KCNH5: variants seen among roughly 807,000 people sequenced by gnomAD.
KCNH5 encodes the protein voltage-gated delayed rectifier potassium channel KCNH5.
A neutral mutation model predicts 96.1 loss-of-function variants in KCNH5; 46 were observed. The observed-to-expected ratio is 0.48, with a 90% CI of 0.38 to 0.61. The LOEUF (loss-of-function observed/expected upper bound fraction) is 0.61, where lower values mean the gene tolerates loss of function less well. KCNH5 is among the 20% of genes least tolerant of loss of function. The pLI, the probability that KCNH5 is intolerant of heterozygous loss-of-function variation, is 0.00. For missense variants in KCNH5, 907 were observed against 1,225.8 expected, an observed-to-expected ratio of 0.74 and a Z score of 3.88; for synonymous variants, 439 against 449.8, an observed-to-expected ratio of 0.98 and a Z score of 0.30.
At chr14:62,978,927 C>T (rs1349459595) in intron 6 of KCNH5, among the ~76,000 whole-genome samples, 2 of 152,140 alleles carry the variant, frequency 1.3e-5, no homozygotes, top group African/African-American at 4.8e-5. Flanking sequence ...GAACACTTTA[C>T]ACCCACTTTC....
intron 4 of KCNH5, among the ~76,000 whole-genome samples, chr14:62,989,324 T>A (rs1223186626): frequency 2.0e-5 from 3 of 152,120 alleles, no homozygotes; most frequent in Non-Finnish European, 4.4e-5. Flanking sequence ...TGCCTCTGTC[T>A]CTTGCCACTT....
intron 6 of KCNH5, among the ~76,000 whole-genome samples, chr14:62,968,299 G>A (rs1462087653): frequency 1.3e-5 from 2 of 152,148 alleles, no homozygotes; most frequent in Non-Finnish European, 2.9e-5. Flanking sequence ...CCTGCAAATA[G>A]TTTGTGAGAA....
chr14:62,924,896 C>T (rs36113694), intron 7 of KCNH5, among the ~76,000 whole-genome samples: 3 of 151,542 alleles, frequency 2.0e-5, no homozygotes, highest in Non-Finnish European at 3.0e-5. Context: ...TATAGCATGG[C>T]GACTATAGTC....
chr14:63,027,691 T>A (rs1891551096), intron 1 of KCNH5, among the ~76,000 whole-genome samples: 1 of 152,028 alleles, frequency 6.6e-6, no homozygotes, highest in Non-Finnish European at 1.5e-5. Flanking sequence ...TTTTAAAAAA[T>A]TTTTAAGAAA....
At chr14:62,936,379 A>G (rs1170061806) in intron 7 of KCNH5, among the ~76,000 whole-genome samples, 5 of 152,196 alleles carry the variant, frequency 3.3e-5, no homozygotes, top group Admixed American at 3.3e-4. Context: ...ACAATGCAGA[A>G]GAAAGAAAAA....
intron 1 of KCNH5, among the ~76,000 whole-genome samples, chr14:63,021,391 G>A (rs935285798): frequency 1.3e-5 from 2 of 152,052 alleles, no homozygotes; most frequent in African/African-American, 4.8e-5. Context: ...TACTATTACA[G>A]TTAGGTCAGT....
chr14:62,955,528 G>A (rs1295525895), intron 6 of KCNH5, among the ~76,000 whole-genome samples: 1 of 152,196 alleles, frequency 6.6e-6, no homozygotes, highest in Admixed American at 6.5e-5. Flanking sequence ...TACATAGTAA[G>A]AGGAGGAAGC....
At chr14:62,775,775 A>G (rs1346659437) in intron 10 of KCNH5, among the ~76,000 whole-genome samples, 1 of 152,182 alleles carries the variant, frequency 6.6e-6, no homozygotes, top group Non-Finnish European at 1.5e-5. Flanking sequence ...TTCAACAATT[A>G]ACACACTTAA....
intron 7 of KCNH5, among the ~76,000 whole-genome samples, chr14:62,864,724 C>T (rs765021198): frequency 5.9e-5 from 9 of 152,204 alleles, no homozygotes; most frequent in African/African-American, 9.6e-5. Context: ...TCCCAATTCA[C>T]ATTAGCATGT....
chr14:62,931,215 G>C (rs1889574891), intron 7 of KCNH5, among the ~76,000 whole-genome samples: 1 of 152,156 alleles, frequency 6.6e-6, no homozygotes, highest in Non-Finnish European at 1.5e-5. Context: ...AGATATTATA[G>C]CAATGAACCT....
chr14:62,843,050 T>C (rs1308893477), intron 8 of KCNH5, among the ~76,000 whole-genome samples: 1 of 152,174 alleles, frequency 6.6e-6, no homozygotes, highest in Non-Finnish European at 1.5e-5. Context: ...CTGAAACAGA[T>C]CATTCCATTT....
intron 7 of KCNH5, among the ~76,000 whole-genome samples, chr14:62,863,934 C>T (rs1888084977): frequency 1.3e-5 from 2 of 152,234 alleles, no homozygotes; most frequent in Non-Finnish European, 1.5e-5. Flanking sequence ...CTTGAGTATA[C>T]AATTACCTCT....
chr14:62,964,608 TC>T (rs1890271315), intron 6 of KCNH5, among the ~76,000 whole-genome samples: 1 of 152,100 alleles, frequency 6.6e-6, no homozygotes, highest in Admixed American at 6.6e-5. Context: ...ACTTCCCTTT[TC>T]TTAGAACATT....
intron 1 of KCNH5, 113 bp from the exon 2 acceptor site, chr14:63,017,067 T>C: frequency 9.9e-7 from 1 of 1,012,726 alleles, no homozygotes. Flanking sequence ...CTATGGTTTG[T>C]AATTGTACAA....
intron 1 of KCNH5, among the ~76,000 whole-genome samples, chr14:63,021,067 C>T (rs1256544339): frequency 5.3e-5 from 8 of 152,092 alleles, no homozygotes; most frequent in Non-Finnish European, 8.8e-5. Context: ...TTTTCTTTCT[C>T]GCCTTAGCCC....
chr14:63,016,879 A>C lies in KCNH5; in HGVS notation c.149T>G (p.Leu50Arg). The change falls in exon 2 of 11, where the codon CTC (leucine) becomes CGC (arginine). Residue 50 changes from leucine to arginine, a missense_variant. Transcript: ENST00000322893. ...VVYSNDGFCKLSGYHRADVMQ... is the reference protein window; with the variant it reads ...VVYSNDGFCKRSGYHRADVMQ... The stretch of plus-strand genomic sequence containing the variant: ...GACGTCAGCTCGATGATATCCAGAG[A>C]GTTTACAAAAACCGTCATTACTATA... 1 of 1,611,466 alleles carries C rather than the reference A, an allele frequency of 6.2e-7. No homozygotes were observed. The highest frequency in any genetic ancestry group is 8.5e-7 in the Non-Finnish European group (1 of 1,178,454).
chr14:62,744,798 T>C (rs990175690), intron 10 of KCNH5, among the ~76,000 whole-genome samples: 29 of 152,190 alleles, frequency 1.9e-4, no homozygotes, highest in Non-Finnish European at 3.5e-4. Context: ...GGAAAACCTC[T>C]TCTGACTTGA....
intron 6 of KCNH5, among the ~76,000 whole-genome samples, chr14:62,957,132 T>C (rs952738044): frequency 2.6e-5 from 4 of 152,310 alleles, no homozygotes; most frequent in Middle Eastern, 3.4e-3. Flanking sequence ...CCTCAGGCCA[T>C]AGTAGCACAA....
Position 62,799,702 on chromosome 14 carries a change from TA to T in KCNH5, c.1822+2626del, listed in dbSNP as rs1181322185. Among the ~76,000 whole-genome samples, 16 of 100,226 alleles carry T rather than the reference TA, an allele frequency of 1.6e-4. 1 individual carries two copies. Among genetic ancestry groups the T allele is most frequent in the Middle Eastern group, 4.5e-3 (1 of 220 alleles). 65.8% of individuals were successfully genotyped at this position (100,226 alleles called of 152,430 possible). On this transcript the variant is annotated intron_variant, in intron 9 of 10. Transcript: ENST00000322893. ...CTATGTATATACCTTTATATATATA[TA>T]TATATATATATATATATATATATAC...
Sources: gnomAD v4.1 joint callset for allele counts (sites outside exome capture counted in the v4.1 genomes callset) on GRCh38, gnomAD v4.1.1 for gene constraint, MANE v1.5 for transcripts, NCBI Gene and HGNC (gene_info 2026-07-23, HGNC 2026-07-21) for gene names.